CCDC171: variants seen among roughly 807,000 people sequenced by gnomAD.
CCDC171 encodes the protein coiled-coil domain-containing protein 171.
A neutral mutation model predicts 168.2 loss-of-function variants in CCDC171; 177 were observed. The observed-to-expected ratio is 1.05, with a 90% CI of 0.93 to 1.19. CCDC171 has a LOEUF of 1.19. Among genes scored for constraint, CCDC171 ranks in the 50% most tolerant of loss-of-function variants. The pLI is 0.00. For missense variants in CCDC171, 1,991 were observed against 1,539.0 expected, an observed-to-expected ratio of 1.29 and a Z score of -4.91; for synonymous variants, 687 against 540.8, an observed-to-expected ratio of 1.27 and a Z score of -3.75.
At chr9:15,587,599 G>T in intron 4 of CCDC171, 1 of 456,392 alleles carries the variant, frequency 2.2e-6, no homozygotes, top group Non-Finnish European at 4.4e-6. Context: ...TAATGATACT[G>T]ATGTTGGAGG....
chr9:15,558,969 T>A (rs1171601840), intron 1 of CCDC171, among the ~76,000 whole-genome samples: 1 of 152,206 alleles, frequency 6.6e-6, no homozygotes, highest in Non-Finnish European at 1.5e-5. Context: ...CATCTTTATT[T>A]CTGCCTTCAT....
Position 15,623,475 on chromosome 9 carries a change from GCACACACACACACACACA to G in CCDC171, c.822+77_822+94del. On this transcript the variant is annotated intron_variant, in intron 7 of 25. Transcript: ENST00000380701. ...CAAACTTTCACATATGCGCGCGCGC[GCACACACACACACACACA>G]CACACACACACACATAAAACCCATT... 5 of 311,462 alleles carry G rather than the reference GCACACACACACACACACA, an allele frequency of 1.6e-5. 1 individual carries two copies. The highest frequency in any genetic ancestry group is 2.9e-5 in the Non-Finnish European group (5 of 170,852). The allele number at this position is 311,462 out of a possible 1,614,324, so 19.3% of individuals were successfully genotyped here.
chr9:15,944,671 G>A (rs1345866616), intron 25 of CCDC171, among the ~76,000 whole-genome samples: 1 of 151,916 alleles, frequency 6.6e-6, no homozygotes, highest in East Asian at 1.9e-4. Context: ...TGCCTGTAAG[G>A]TTCCTGTTAT....
intron 24 of CCDC171, among the ~76,000 whole-genome samples, chr9:15,909,570 G>C (rs1374524378): frequency 6.6e-6 from 1 of 152,166 alleles, no homozygotes; most frequent in Non-Finnish European, 1.5e-5. Flanking sequence ...CATCAAACTA[G>C]AGTACAATTC....
intron 25 of CCDC171, among the ~76,000 whole-genome samples, chr9:15,949,315 G>C (rs1828827662): frequency 6.6e-6 from 1 of 151,984 alleles, no homozygotes; most frequent in East Asian, 1.9e-4. Context: ...GGCTTTTTTT[G>C]GTTCCATATG....
At position 16,005,176 on chromosome 9, in the gene CCDC171, C is replaced by T. The variant is rs543673028; in HGVS notation, n.369-15413C>T. Among the ~76,000 whole-genome samples the T allele has an allele frequency of 2.0e-5, 3 of 152,282 alleles. No homozygotes were observed. In the South Asian group the frequency reaches 6.2e-4, roughly 32 times the overall value. ...TTAGTAGTCACTCCCACTCCACCTG[C>T]CCTAGGCAACCATTAATCTACATTC... On this transcript the variant is annotated intron_variant and non_coding_transcript_variant, in intron 3 of 9. Transcript: ENST00000486641.
chr9:15,868,553 A>T (rs947399150), intron 23 of CCDC171, among the ~76,000 whole-genome samples: 1 of 151,918 alleles, frequency 6.6e-6, no homozygotes. Flanking sequence ...AGGTGCAAGG[A>T]AACTATTGAG....
intron 21 of CCDC171, among the ~76,000 whole-genome samples, chr9:15,824,221 A>G (rs959084935): frequency 2.6e-5 from 4 of 152,078 alleles, no homozygotes; most frequent in African/African-American, 4.8e-5. Context: ...ATGTATATAC[A>G]TACACTCTAC....
chr9:16,095,898 A>G, the CCDC171 span, among the ~76,000 whole-genome samples: 1 of 143,940 alleles, frequency 6.9e-6, no homozygotes, highest in East Asian at 2.0e-4. Context: ...ATATATATAT[A>G]TACTGCCTCC....
intron 19 of CCDC171, 129 bp from the exon 20 acceptor site, chr9:15,778,839 C>G: frequency 1.7e-6 from 1 of 597,804 alleles, no homozygotes; most frequent in Non-Finnish European, 2.5e-6. Flanking sequence ...GTTTTCACCT[C>G]TACATTTCTG....
intron 25 of CCDC171, among the ~76,000 whole-genome samples, chr9:15,969,518 C>T (rs935709212): frequency 3.3e-5 from 5 of 152,108 alleles, no homozygotes; most frequent in Admixed American, 1.3e-4. Context: ...GAAAATACCC[C>T]CAGAGGATAT....
intron 3 of CCDC171, among the ~76,000 whole-genome samples, chr9:16,009,053 A>G (rs939695616): frequency 6.6e-5 from 10 of 151,570 alleles, no homozygotes; most frequent in Non-Finnish European, 1.3e-4. Context: ...AATTAATATA[A>G]AAATTGTATT....
chr9:15,835,750 A>G (rs987609490), intron 21 of CCDC171, among the ~76,000 whole-genome samples: 9 of 152,178 alleles, frequency 5.9e-5, no homozygotes, highest in East Asian at 5.8e-4. Context: ...TTAATTACAT[A>G]AAGTTTATAC....
chr9:15,959,654 A>G (rs533907663), intron 25 of CCDC171, among the ~76,000 whole-genome samples: 23 of 152,240 alleles, frequency 1.5e-4, no homozygotes, highest in South Asian at 8.3e-4. Flanking sequence ...TTGAAACACC[A>G]TTGTGCGGAC....
intron 6 of CCDC171, among the ~76,000 whole-genome samples, chr9:15,596,425 T>A (rs2042363867): frequency 6.6e-6 from 1 of 152,164 alleles, no homozygotes; most frequent in Non-Finnish European, 1.5e-5. Context: ...TTCTTGTTTT[T>A]GTCAGGTTTG....
At chr9:15,623,465 G>GCGCA (rs1554714769) in intron 7 of CCDC171, 52 bp downstream of exon 7, 3 of 552,340 alleles carry the variant, frequency 5.4e-6, no homozygotes, top group Non-Finnish European at 8.0e-6. Flanking sequence ...TTTCACATAT[G>GCGCA]CGCGCGCGCG....
intron 25 of CCDC171, among the ~76,000 whole-genome samples, chr9:15,959,246 C>T (rs1032106222): frequency 2.0e-5 from 3 of 152,268 alleles, no homozygotes; most frequent in Middle Eastern, 3.4e-3. Flanking sequence ...CTCTACCTTA[C>T]GATGTGGCCT....
Position 15,629,684 on chromosome 9 carries a change from A to G in CCDC171, c.822+6271A>G, listed in dbSNP as rs150206525. ...TTCAGGAAATACAGAGAACGCCACA[A>G]AGATGCCCCTCAAGAAGAGCAACTC... On this transcript the variant is annotated intron_variant, in intron 7 of 25. Coordinates refer to ENST00000380701, the MANE Select transcript of CCDC171 (RefSeq NM_173550.4). Among the ~76,000 whole-genome samples, 72 of 152,282 alleles carry G rather than the reference A, an allele frequency of 4.7e-4. 1 individual carries two copies. The highest frequency in any genetic ancestry group is 1.6e-3 in the African/African-American group (68 of 41,554).
the CCDC171 span, among the ~76,000 whole-genome samples, chr9:16,076,715 C>A: frequency 6.6e-6 from 1 of 152,188 alleles, no homozygotes; most frequent in African/African-American, 2.4e-5. Flanking sequence ...CCCCAGCCAG[C>A]AGGAAAATTT....
Sources: gnomAD v4.1 joint callset for allele counts (sites outside exome capture counted in the v4.1 genomes callset) on GRCh38, gnomAD v4.1.1 for gene constraint, MANE v1.5 for transcripts, NCBI Gene and HGNC (gene_info 2026-07-23, HGNC 2026-07-21) for gene names.